Variants in MACROD2 observed in about 807,000 individuals in gnomAD.
The protein encoded by MACROD2 is ADP-ribose glycohydrolase MACROD2.
MACROD2 carries 36 observed loss-of-function variants against 70.4 expected under a neutral mutation model. The observed-to-expected ratio is 0.51, with a 90% CI of 0.39 to 0.68. The LOEUF (loss-of-function observed/expected upper bound fraction) is 0.68, where lower values mean the gene tolerates loss of function less well. Among genes scored for constraint, MACROD2 ranks in the 30% least tolerant of loss-of-function variants. The pLI is 0.00. For missense variants in MACROD2, 496 were observed against 538.4 expected (o/e 0.92, Z 0.78); for synonymous variants, 172 against 178.8 (o/e 0.96, Z 0.30).
chr20:14,263,223 G>C (rs566260404), intron 3 of MACROD2, among the ~76,000 whole-genome samples: 96 of 152,280 alleles, frequency 6.3e-4, no homozygotes, highest in Non-Finnish European at 1.1e-3. Context: ...GCCACTTAAA[G>C]TGTTTAAAAG....
intron 4 of MACROD2, among the ~76,000 whole-genome samples, chr20:14,599,876 T>G: frequency 6.6e-6 from 1 of 152,070 alleles, no homozygotes; most frequent in Non-Finnish European, 1.5e-5. Flanking sequence ...AGCTGAGGTT[T>G]TGAGCCCATG....
chr20:14,528,617 G>A (rs1468195300), intron 4 of MACROD2, among the ~76,000 whole-genome samples: 1 of 151,970 alleles, frequency 6.6e-6, no homozygotes, highest in Non-Finnish European at 1.5e-5. Context: ...TCTTTGTTAG[G>A]CTGACTTTTC....
At chr20:15,139,663 T>C (rs1299180734) in intron 5 of MACROD2, among the ~76,000 whole-genome samples, 1 of 152,104 alleles carries the variant, frequency 6.6e-6, no homozygotes, top group Non-Finnish European at 1.5e-5. Context: ...CCAATATTGG[T>C]GCTCGTAAAA....
intron 5 of MACROD2, among the ~76,000 whole-genome samples, chr20:14,979,460 G>A (rs1018721550): frequency 3.9e-5 from 6 of 152,058 alleles, no homozygotes; most frequent in Non-Finnish European, 5.9e-5. Context: ...TTTATTATTT[G>A]TTGACAGCAA....
intron 8 of MACROD2, among the ~76,000 whole-genome samples, chr20:15,820,227 G>A (rs1486455174): frequency 2.0e-5 from 3 of 152,028 alleles, no homozygotes; most frequent in Non-Finnish European, 4.4e-5. Context: ...ACAGGGTCTT[G>A]CTCTGTTACC....
intron 5 of MACROD2, among the ~76,000 whole-genome samples, chr20:14,775,889 A>G (rs967918264): frequency 5.3e-5 from 8 of 152,190 alleles, no homozygotes; most frequent in African/African-American, 1.7e-4. Flanking sequence ...ATCTGTCCTC[A>G]TATCAACCTT....
chr20:15,482,899 A>G (rs1037855038), intron 7 of MACROD2, among the ~76,000 whole-genome samples: 18 of 152,040 alleles, frequency 1.2e-4, no homozygotes, highest in African/African-American at 3.9e-4. Context: ...TCTTTTGCCA[A>G]TTTTTAATTG....
At chr20:15,634,173 G>A (rs1037672783) in intron 8 of MACROD2, among the ~76,000 whole-genome samples, 1 of 152,224 alleles carries the variant, frequency 6.6e-6, no homozygotes, top group African/African-American at 2.4e-5. Flanking sequence ...GACACTCAGA[G>A]AAGAGAATAA....
intron 3 of MACROD2, among the ~76,000 whole-genome samples, chr20:14,469,273 T>G (rs2084498218): frequency 6.6e-6 from 1 of 152,190 alleles, no homozygotes; most frequent in Non-Finnish European, 1.5e-5. Context: ...TCTTCTGGCT[T>G]GTAGGGTTTC....
intron 6 of MACROD2, among the ~76,000 whole-genome samples, chr20:15,376,597 G>A (rs1162010454): frequency 6.6e-6 from 1 of 152,164 alleles, no homozygotes; most frequent in African/African-American, 2.4e-5. Flanking sequence ...CACTGGGACT[G>A]TGAGAAAACA....
intron 5 of MACROD2, among the ~76,000 whole-genome samples, chr20:14,694,003 C>T (rs373597809): frequency 3.9e-5 from 6 of 152,002 alleles, no homozygotes; most frequent in East Asian, 1.9e-4. Flanking sequence ...AGAGTGTAGA[C>T]GACTATAGTG....
intron 3 of MACROD2, among the ~76,000 whole-genome samples, chr20:14,131,946 A>G (rs1201945363): frequency 6.6e-6 from 1 of 151,966 alleles, no homozygotes; most frequent in Non-Finnish European, 1.5e-5. Flanking sequence ...CCTGGCCAAC[A>G]CGGTGAAACC....
At chr20:14,576,905 A>G (rs1190921415) in intron 4 of MACROD2, among the ~76,000 whole-genome samples, 1 of 152,234 alleles carries the variant, frequency 6.6e-6, no homozygotes, top group Non-Finnish European at 1.5e-5. Flanking sequence ...TATCTTTAGT[A>G]AAGTTTGTTA....
intron 10 of MACROD2, among the ~76,000 whole-genome samples, chr20:15,910,602 G>A (rs1414256022): frequency 2.0e-5 from 3 of 152,172 alleles, no homozygotes; most frequent in Admixed American, 6.5e-5. Context: ...AACAGCACAT[G>A]TAGTAGGCAC....
intron 5 of MACROD2, among the ~76,000 whole-genome samples, chr20:14,746,544 A>C (rs2071802179): frequency 1.3e-5 from 2 of 152,108 alleles, no homozygotes; most frequent in Non-Finnish European, 2.9e-5. Context: ...TATAGCCTGT[A>C]ATGTGTAAGG....
chr20:15,579,354 C>T (rs1421887489), intron 8 of MACROD2, among the ~76,000 whole-genome samples: 3 of 152,158 alleles, frequency 2.0e-5, no homozygotes, highest in African/African-American at 7.2e-5. Flanking sequence ...CAATTCATGA[C>T]CTTTTTTTGG....
At chr20:14,498,652 C>T (rs2084883183) in intron 4 of MACROD2, among the ~76,000 whole-genome samples, 1 of 152,152 alleles carries the variant, frequency 6.6e-6, no homozygotes, top group Admixed American at 6.6e-5. Context: ...CTTTAAAAGG[C>T]AGAGCAGATA....
At chr20:15,312,308 T>C (rs752091969) in intron 6 of MACROD2, among the ~76,000 whole-genome samples, 4 of 152,266 alleles carry the variant, frequency 2.6e-5, no homozygotes, top group Non-Finnish European at 5.9e-5. Flanking sequence ...GATGTGATGG[T>C]GCTATTTGGC....
chr20:14,459,025 T>A (rs908374770), intron 3 of MACROD2, among the ~76,000 whole-genome samples: 4 of 152,074 alleles, frequency 2.6e-5, no homozygotes, highest in African/African-American at 9.7e-5. Flanking sequence ...AAATTATATA[T>A]ACCTTTAATC....
Sources: allele counts gnomAD v4.1 joint callset (sites outside exome capture counted in the v4.1 genomes callset), GRCh38; gene constraint gnomAD v4.1.1; transcripts MANE v1.5; gene names NCBI Gene and HGNC (gene_info 2026-07-23, HGNC 2026-07-21).